The following VTA1 variants were observed in gnomAD, a reference collection of about 807,000 sequenced individuals.
VTA1 encodes vacuolar protein sorting-associated protein VTA1 homolog.
A neutral mutation model predicts 36.9 loss-of-function variants in VTA1; 24 were observed. The observed-to-expected ratio is 0.65, with a 90% CI of 0.47 to 0.91. The LOEUF is 0.91. Ranked by LOEUF, VTA1 falls within the 40% of genes least tolerant of loss-of-function variation. The pLI is 0.00. For missense variants in VTA1, 393 were observed against 377.2 expected (o/e 1.04, Z -0.35); for synonymous variants, 142 against 130.2 (o/e 1.09, Z -0.62).
intron 4 of VTA1, among the ~76,000 whole-genome samples, chr6:142,175,463 C>T (rs1055607062): frequency 6.6e-6 from 1 of 152,026 alleles, no homozygotes; most frequent in African/African-American, 2.4e-5. Flanking sequence ...CTATATTATT[C>T]TAGTCCTTAC....
intron 1 of VTA1, among the ~76,000 whole-genome samples, chr6:142,154,236 T>C (rs112311253): frequency 0.015 from 2,339 of 152,216 alleles, 50 homozygotes; most frequent in South Asian, 0.07. Context: ...AAATGTTCTA[T>C]TAAATGAAAT....
rs1776071063 is a variant in VTA1 at position 142,219,788 on chromosome 6, G to A, written c.*1145G>A. 1 of 152,074 alleles carries A rather than the reference G, an allele frequency of 6.6e-6. No homozygotes were observed. The highest frequency in any genetic ancestry group is 1.5e-5 in the Non-Finnish European group (1 of 68,008). The allele number at this position is 152,074 out of a possible 1,614,324, so 9.4% of individuals were successfully genotyped here. Reference sequence around the variant, plus strand: ...TCCATTTTATTCATGCTACTAAGATGGGAATCTTTAAACACAAGGGTCAGC... The same window carrying A: ...TCCATTTTATTCATGCTACTAAGATAGGAATCTTTAAACACAAGGGTCAGC... On this transcript the variant is annotated 3_prime_UTR_variant, in exon 8 of 8. Coordinates refer to ENST00000367630, the MANE Select transcript of VTA1 (RefSeq NM_016485.5).
intron 4 of VTA1, among the ~76,000 whole-genome samples, chr6:142,173,566 C>T (rs1775065939): frequency 1.3e-5 from 2 of 152,170 alleles, no homozygotes; most frequent in Non-Finnish European, 2.9e-5. Flanking sequence ...ATTTTAGAAG[C>T]AAGCACATAA....
intron 1 of VTA1, among the ~76,000 whole-genome samples, chr6:142,151,222 AC>A (rs1182038151): frequency 6.6e-6 from 1 of 152,176 alleles, no homozygotes; most frequent in Non-Finnish European, 1.5e-5. Flanking sequence ...AGCTGTAGGG[AC>A]AGGGATGTGG....
chr6:142,161,671 ATTTG>A (rs1392212522), intron 1 of VTA1, among the ~76,000 whole-genome samples: 3 of 152,158 alleles, frequency 2.0e-5, no homozygotes, highest in South Asian at 2.1e-4. Flanking sequence ...CTAAATGTTT[ATTTG>A]TTCTGTTTTT....
intron 1 of VTA1, 120 bp from the exon 2 acceptor site, chr6:142,166,108 C>A: frequency 3.4e-6 from 2 of 593,562 alleles, no homozygotes; most frequent in Non-Finnish European, 2.7e-6. Context: ...CATAGTAAAT[C>A]AGTTTTATTT....
intron 5 of VTA1, among the ~76,000 whole-genome samples, chr6:142,195,521 C>A (rs1775527154): frequency 6.7e-6 from 1 of 148,792 alleles, no homozygotes; most frequent in South Asian, 2.1e-4. Flanking sequence ...TCAACAAGTA[C>A]TTAGTACAGT....
chr6:142,184,580 G>A (rs901931968), intron 4 of VTA1, among the ~76,000 whole-genome samples: 2 of 152,100 alleles, frequency 1.3e-5, no homozygotes, highest in East Asian at 3.9e-4. Flanking sequence ...GCTTCATAGG[G>A]AGTAAACATT....
chr6:142,218,030 GCAC>G (rs1425855745), intron 7 of VTA1, among the ~76,000 whole-genome samples: 1 of 152,012 alleles, frequency 6.6e-6, no homozygotes, highest in African/African-American at 2.4e-5. Flanking sequence ...TACATGGATG[GCAC>G]AAACATGTAA....
intron 4 of VTA1, among the ~76,000 whole-genome samples, chr6:142,180,612 G>GAGGAAAATAGTA (rs1214669867): frequency 2.6e-5 from 4 of 152,096 alleles, no homozygotes; most frequent in Admixed American, 6.6e-5. Context: ...ATTGATATCA[G>GAGGAAAATAGTA]AGGAAAATAG....
At chr6:142,148,865 G>A (rs1376642965) in intron 1 of VTA1, among the ~76,000 whole-genome samples, 2 of 152,170 alleles carry the variant, frequency 1.3e-5, no homozygotes, top group Non-Finnish European at 2.9e-5. Context: ...AAGTCCCGAA[G>A]TAGAGGCTTG....
rs1776166631 is a variant in VTA1 at position 142,224,441 on chromosome 6, C to T, written c.*5798C>T. On this transcript the variant is annotated 3_prime_UTR_variant, in exon 8 of 8. Coordinates refer to ENST00000367630, the MANE Select transcript of VTA1 (RefSeq NM_016485.5). The stretch of plus-strand genomic sequence containing the variant: ...TATAAAACCAGTAATACCTGAGAAA[C>T]AACAGTAACTTGACAAAATTACTAT... 6.6e-6 allele frequency: 1 copy of T among 152,144 alleles called. No individual in the cohort carries two copies. 9.4% of individuals were successfully genotyped at this position (152,144 alleles called of 1,614,324 possible). A position where few individuals can be genotyped will look rare whatever the true frequency, so the allele number is the denominator to read the frequency against.
rs186740153 is a variant in VTA1 at position 142,194,737 on chromosome 6, T to C, written c.521-3702T>C. Among the ~76,000 whole-genome samples the C allele has an allele frequency of 2.5e-3, 375 of 152,228 alleles. 2 individuals carry two copies. Among genetic ancestry groups the C allele is most frequent in the African/African-American group, 8.2e-3 (342 of 41,556 alleles). On this transcript the variant is annotated intron_variant, in intron 5 of 7. Transcript: ENST00000367630. ...TCTTCCTTTCCAATCCTCATTTCTT[T>C]CTTTTCTTGACTATTGTGCCAGTGG...
intron 4 of VTA1, among the ~76,000 whole-genome samples, chr6:142,181,756 A>T (rs1046398952): frequency 6.6e-6 from 1 of 151,974 alleles, no homozygotes; most frequent in Non-Finnish European, 1.5e-5. Context: ...AAAATAGAGG[A>T]GTTATATTTA....
chr6:142,200,561 G>A (rs1361443795), intron 6 of VTA1, among the ~76,000 whole-genome samples: 2 of 151,824 alleles, frequency 1.3e-5, no homozygotes. Context: ...TAACAGGAGG[G>A]CTATAGTAGA....
At chr6:142,204,886 A>G (rs1219956495) in intron 7 of VTA1, among the ~76,000 whole-genome samples, 1 of 150,064 alleles carries the variant, frequency 6.7e-6, no homozygotes, top group Non-Finnish European at 1.5e-5. Context: ...CACCACACCC[A>G]GCAAATTTTT....
chr6:142,204,348 A>G (rs1296904496), intron 7 of VTA1, among the ~76,000 whole-genome samples: 1 of 152,198 alleles, frequency 6.6e-6, no homozygotes. Flanking sequence ...AGCCAAGGCT[A>G]CCATGGAAGC....
At chr6:142,160,217 G>C (rs912707523) in intron 1 of VTA1, among the ~76,000 whole-genome samples, 31 of 152,044 alleles carry the variant, frequency 2.0e-4, no homozygotes, top group African/African-American at 7.0e-4. Context: ...CTTTGCTCTA[G>C]GGAGAGTTTA....
chr6:142,165,877 T>C (rs1234702670), intron 1 of VTA1, among the ~76,000 whole-genome samples: 3 of 152,210 alleles, frequency 2.0e-5, no homozygotes, highest in African/African-American at 7.2e-5. Flanking sequence ...ATCACTTATT[T>C]GGCACTTGGC....
Sources: gnomAD v4.1 joint callset for allele counts (sites outside exome capture counted in the v4.1 genomes callset) on GRCh38, gnomAD v4.1.1 for gene constraint, MANE v1.5 for transcripts, NCBI Gene and HGNC (gene_info 2026-07-23, HGNC 2026-07-21) for gene names.